Variants in SGPP2 observed in about 807,000 individuals in gnomAD.
SGPP2 encodes the protein sphingosine 1-phosphate phosphohydrolase 2.
A neutral mutation model predicts 33.9 loss-of-function variants in SGPP2; 30 were observed. The ratio of observed to expected loss-of-function variants is 0.89; its 90% CI spans 0.66 to 1.20. The LOEUF (loss-of-function observed/expected upper bound fraction) is 1.20, where lower values mean the gene tolerates loss of function less well. Among genes scored for constraint, SGPP2 ranks in the 50% most tolerant of loss-of-function variants. The pLI, the probability that SGPP2 is intolerant of heterozygous loss-of-function variation, is 0.00. For missense variants in SGPP2, 458 were observed against 532.1 expected, an observed-to-expected ratio of 0.86 and a Z score of 1.37; for synonymous variants, 233 against 225.0, an observed-to-expected ratio of 1.04 and a Z score of -0.32.
At chr2:222,425,545 G>T (rs1048431469) in intron 1 of SGPP2, among the ~76,000 whole-genome samples, 6 of 152,152 alleles carry the variant, frequency 3.9e-5, no homozygotes, top group Admixed American at 2.0e-4. Context: ...CTGCGGCTTG[G>T]GGGGAACCAG....
At chr2:222,509,135 A>G (rs1256023007) in intron 2 of SGPP2, among the ~76,000 whole-genome samples, 1 of 152,124 alleles carries the variant, frequency 6.6e-6, no homozygotes, top group African/African-American at 2.4e-5. Flanking sequence ...AAGGAGAAAA[A>G]AAAAAGACTG....
At chr2:222,448,826 C>T (rs1574835968) in intron 1 of SGPP2, among the ~76,000 whole-genome samples, 1 of 152,154 alleles carries the variant, frequency 6.6e-6, no homozygotes, top group South Asian at 2.1e-4. Flanking sequence ...CTTTTGCAGA[C>T]AGCACAATAT....
chr2:222,531,592 T>G (rs766469123), intron 4 of SGPP2, among the ~76,000 whole-genome samples: 1 of 152,216 alleles, frequency 6.6e-6, no homozygotes, highest in Non-Finnish European at 1.5e-5. Context: ...GAAAGACATT[T>G]TGGAATTGGA....
At chr2:222,522,025 G>T (rs895441406) in intron 3 of SGPP2, 79 bp downstream of exon 3, 9 of 1,333,484 alleles carry the variant, frequency 6.7e-6, no homozygotes, top group African/African-American at 1.5e-5. Context: ...TTCTCTTAAA[G>T]CTGCTTTGAG....
At chr2:222,543,958 T>A (rs1285040294) in intron 4 of SGPP2, among the ~76,000 whole-genome samples, 6 of 152,238 alleles carry the variant, frequency 3.9e-5, no homozygotes, top group Non-Finnish European at 5.9e-5. Context: ...TTCCAATATA[T>A]GGGCATGGCA....
rs929496761 is a variant in SGPP2, at chr2:222,465,426, A to T, written c.220-9142A>T. ...GGTTGGAAAGTCTTGATTCTCTTAA[A>T]AAAAAAAAAGTGAGTAATTAAAAGT... On this transcript the variant is annotated intron_variant, in intron 1 of 4. Transcript: ENST00000321276. This position sits in a 1 kb window ranked among gnomAD's most constrained non-coding sequence, Gnocchi z 4.1. Among the ~76,000 whole-genome samples the T allele has an allele frequency of 1.4e-4, 4 of 28,854 alleles. No homozygotes were observed. In the African/African-American group the frequency reaches 1.6e-3, roughly 12 times the overall value. The allele number at this position is 28,854 out of a possible 152,430, so 18.9% of individuals were successfully genotyped here. A position where few individuals can be genotyped will look rare whatever the true frequency, so the allele number is the denominator to read the frequency against.
chr2:222,513,335 A>G (rs1230324932), intron 2 of SGPP2, among the ~76,000 whole-genome samples: 3 of 152,172 alleles, frequency 2.0e-5, no homozygotes, highest in Non-Finnish European at 2.9e-5. Flanking sequence ...ATTTTATTGG[A>G]CAAATAACAT....
rs564400990 is a variant in SGPP2 at position 222,515,671 on chromosome 2, A to G, written c.379-6096A>G. 3.3e-5 allele frequency among the ~76,000 whole-genome samples: 5 copies of G among 152,190 alleles called. No homozygotes were observed. In the East Asian group the frequency reaches 5.8e-4, roughly 18 times the overall value. ...TTTATCAAGGTATAATTCACGTACT[A>G]TACAATTCACCCATTTAAAGCATGT... On this transcript the variant is annotated intron_variant, in intron 2 of 4. Transcript: ENST00000321276.
chr2:222,441,976 A>G (rs1210868757), intron 1 of SGPP2, among the ~76,000 whole-genome samples: 1 of 152,232 alleles, frequency 6.6e-6, no homozygotes, highest in Non-Finnish European at 1.5e-5. Context: ...AAGATGCCAC[A>G]TGGAATTACA....
intron 4 of SGPP2, among the ~76,000 whole-genome samples, chr2:222,541,092 C>T (rs749608095): frequency 1.1e-4 from 16 of 152,210 alleles, no homozygotes; most frequent in Non-Finnish European, 2.2e-4. Context: ...GCTGGGATTA[C>T]AGGCGTGAGC....
Position 222,484,235 on chromosome 2 carries a change from C to T in SGPP2, c.378+9509C>T, listed in dbSNP as rs191988693. ...TTTTTTTATGATGATGACTGGAAAA[C>T]GTGCTCACATTCTTCCGTCCCTCTC... On this transcript the variant is annotated intron_variant, in intron 2 of 4. Coordinates refer to ENST00000321276, the MANE Select transcript of SGPP2 (RefSeq NM_152386.4). 5.4e-3 allele frequency among the ~76,000 whole-genome samples: 824 copies of T among 152,196 alleles called. 7 individuals carry two copies. Among genetic ancestry groups the T allele is most frequent in the African/African-American group, 0.018 (764 of 41,512 alleles).
chr2:222,533,139 G>A (rs756823662), intron 4 of SGPP2, among the ~76,000 whole-genome samples: 1 of 152,180 alleles, frequency 6.6e-6, no homozygotes, highest in Non-Finnish European at 1.5e-5. Context: ...GAGAGAAAGA[G>A]GGAAAGGAGG....
At chr2:222,444,669 C>A (rs1005337079) in intron 1 of SGPP2, among the ~76,000 whole-genome samples, 1 of 152,134 alleles carries the variant, frequency 6.6e-6, no homozygotes, top group East Asian at 1.9e-4. Flanking sequence ...GTCCTTGATT[C>A]CCCATAAGAA....
chr2:222,431,665 G>T (rs1014750681), intron 1 of SGPP2, among the ~76,000 whole-genome samples: 1 of 152,180 alleles, frequency 6.6e-6, no homozygotes, highest in African/African-American at 2.4e-5. Context: ...AATAGGGTTC[G>T]GGTAACCCCA....
At chr2:222,446,531 G>A (rs1448984655) in intron 1 of SGPP2, among the ~76,000 whole-genome samples, 2 of 152,158 alleles carry the variant, frequency 1.3e-5, no homozygotes, top group African/African-American at 4.8e-5. Flanking sequence ...TTTAATAAAA[G>A]TATGGTTTTC....
chr2:222,531,327 G>A (rs944318839), intron 4 of SGPP2, among the ~76,000 whole-genome samples: 18 of 152,298 alleles, frequency 1.2e-4, no homozygotes, highest in African/African-American at 3.6e-4. Flanking sequence ...GTCCACATAC[G>A]ATGGAGTATT....
At chr2:222,493,151 T>G (rs1698223685) in intron 2 of SGPP2, among the ~76,000 whole-genome samples, 1 of 152,214 alleles carries the variant, frequency 6.6e-6, no homozygotes, top group Admixed American at 6.5e-5. Context: ...ACCAATTTAC[T>G]GTATTAGTCG....
rs149220058 is a variant in SGPP2 at position 222,469,413 on chromosome 2, G to A, written c.220-5155G>A. Among the ~76,000 whole-genome samples, 1,339 of 152,294 alleles carry A rather than the reference G, an allele frequency of 8.8e-3. 24 individuals carry two copies. The highest frequency in any genetic ancestry group is 0.03 in the African/African-American group (1,252 of 41,562). ...TTGGCCAGGCTGGTCTTGAACTCCT[G>A]ACCTCGTGATCTACCTGCCTCGGAC... On this transcript the variant is annotated intron_variant, in intron 1 of 4. Transcript: ENST00000321276.
chr2:222,455,748 A>G (rs574748199), intron 1 of SGPP2, among the ~76,000 whole-genome samples: 1 of 152,346 alleles, frequency 6.6e-6, no homozygotes, highest in African/African-American at 2.4e-5. Flanking sequence ...CTCACATACA[A>G]TGAAGTTTAC....
Sources: gnomAD v4.1 joint callset for allele counts (sites outside exome capture counted in the v4.1 genomes callset) on GRCh38, gnomAD v4.1.1 for gene constraint, Gnocchi (gnomAD v3.1) non-coding constraint, MANE v1.5 for transcripts, NCBI Gene and HGNC (gene_info 2026-07-23, HGNC 2026-07-21) for gene names.